The following SFXN4 variants were observed in gnomAD, a reference collection of about 807,000 sequenced individuals.
SFXN4 encodes the protein sideroflexin 4.
A neutral mutation model predicts 54.6 loss-of-function variants in SFXN4; 48 were observed. The ratio of observed to expected loss-of-function variants is 0.88; its 90% CI spans 0.70 to 1.12. The LOEUF (loss-of-function observed/expected upper bound fraction) is 1.12, where lower values mean the gene tolerates loss of function less well. Ranked by LOEUF, SFXN4 falls within the 50% of genes most tolerant of loss-of-function variation. SFXN4 has a pLI of 0.00. For synonymous variants in SFXN4, 130 were observed against 145.5 expected, an observed-to-expected ratio of 0.89 and a Z score of 0.77; for missense variants, 383 against 409.2, an observed-to-expected ratio of 0.94 and a Z score of 0.55.
chr10:119,147,909 G>C (rs369755305), intron 11 of SFXN4, 49 bp from the exon 12 acceptor site: 9 of 1,489,840 alleles, frequency 6.0e-6, no homozygotes, highest in Non-Finnish European at 8.4e-6. Context: ...GGTGGCTCAC[G>C]CCTGTAATCC....
Position 119,155,057 on chromosome 10 carries a change from C to T in SFXN4, c.732+5G>A, listed in dbSNP as rs778787684. On this transcript the variant is annotated splice_donor_5th_base_variant and intron_variant, in intron 11 of 13. Coordinates refer to ENST00000355697, the MANE Select transcript of SFXN4 (RefSeq NM_213649.2). ...AAGCAGCTATAGCTTCATCCTGTCT[C>T]TTACCTTTGTCCCAGCAATTCTGGA... The T allele has an allele frequency of 7.5e-6, 12 of 1,608,122 alleles. No homozygotes were observed. The highest frequency in any genetic ancestry group is 1.0e-5 in the Non-Finnish European group (12 of 1,174,484).
intron 13 of SFXN4, among the ~76,000 whole-genome samples, chr10:119,143,958 G>A (rs895191051): frequency 2.6e-5 from 4 of 151,934 alleles, no homozygotes; most frequent in South Asian, 4.1e-4. Context: ...CCAACCCCTC[G>A]CCCATAGCAT....
rs770540663 is a variant in SFXN4, at chr10:119,141,220, T to G, written c.*22A>C. 1.3e-6 allele frequency: 2 copies of G among 1,573,214 alleles called. No homozygotes were observed. The highest frequency in any genetic ancestry group is 1.7e-6 in the Non-Finnish European group (2 of 1,150,254). ...GGAAGGTTTTCAAGCAGGAACCACA[T>G]AAATTCACCTAAAACTCACGCCTAC... On this transcript the variant is annotated 3_prime_UTR_variant, in exon 14 of 14. Coordinates refer to ENST00000355697, the MANE Select transcript of SFXN4 (RefSeq NM_213649.2).
At chr10:119,149,984 G>A (rs1464937069) in intron 11 of SFXN4, among the ~76,000 whole-genome samples, 2 of 152,130 alleles carry the variant, frequency 1.3e-5, no homozygotes, top group Admixed American at 1.3e-4. Context: ...ACAGCCACGC[G>A]TCACCTGAAA....
intron 13 of SFXN4, among the ~76,000 whole-genome samples, chr10:119,145,507 T>C (rs755788571): frequency 2.6e-5 from 4 of 152,022 alleles, no homozygotes; most frequent in Non-Finnish European, 5.9e-5. Context: ...TTTTGCCACG[T>C]TGGCCAAGCT....
intron 11 of SFXN4, among the ~76,000 whole-genome samples, chr10:119,148,909 C>T (rs1182725983): frequency 6.6e-6 from 1 of 152,070 alleles, no homozygotes; most frequent in Non-Finnish European, 1.5e-5. Context: ...TTTTTAGAGA[C>T]AGGGTCTCAC....
At chr10:119,151,707 G>C (rs1165992752) in intron 11 of SFXN4, among the ~76,000 whole-genome samples, 7 of 151,540 alleles carry the variant, frequency 4.6e-5, no homozygotes, top group Non-Finnish European at 1.0e-4. Flanking sequence ...GTAGAGACAG[G>C]GTTTCACCAT....
At chr10:119,159,822 C>T in intron 5 of SFXN4, 69 bp from the exon 6 acceptor site, 1 of 1,530,500 alleles carries the variant, frequency 6.5e-7, no homozygotes, top group East Asian at 2.3e-5. Context: ...CAGAAGGGGA[C>T]TACCCACCTG....
intron 13 of SFXN4, among the ~76,000 whole-genome samples, chr10:119,145,602 C>A (rs1280999310): frequency 1.3e-5 from 2 of 151,878 alleles, no homozygotes; most frequent in African/African-American, 4.8e-5. Context: ...CCGCGCCTGG[C>A]CTGATTTTCT....
chr10:119,161,120 AT>A, intron 3 of SFXN4, 39 bp from the exon 4 acceptor site: 5 of 1,609,376 alleles, frequency 3.1e-6, no homozygotes, highest in Non-Finnish European at 3.4e-6. Context: ...TTCATTTTAA[AT>A]TTTTTTTAAG....
intron 13 of SFXN4, among the ~76,000 whole-genome samples, chr10:119,144,469 T>A (rs1361068117): frequency 6.6e-6 from 1 of 151,570 alleles, no homozygotes; most frequent in Non-Finnish European, 1.5e-5. Flanking sequence ...AAAAAAAAAA[T>A]TGCTAATATC....
intron 6 of SFXN4, among the ~76,000 whole-genome samples, chr10:119,159,193 T>C (rs1771336012): frequency 6.6e-6 from 1 of 151,524 alleles, no homozygotes; most frequent in Non-Finnish European, 1.5e-5. Context: ...GACAGGAGAA[T>C]TGCTTGAACG....
chr10:119,161,595 A>T (rs1157571567), intron 3 of SFXN4, among the ~76,000 whole-genome samples: 1 of 152,226 alleles, frequency 6.6e-6, no homozygotes, highest in Non-Finnish European at 1.5e-5. Context: ...GGATCATATG[A>T]ATAAACAAAT....
intron 3 of SFXN4, 99 bp downstream of exon 3, chr10:119,162,241 A>G (rs942999003): frequency 1.1e-6 from 1 of 886,510 alleles, no homozygotes; most frequent in African/African-American, 1.7e-5. Flanking sequence ...AAGAAAAGAG[A>G]CGGAGACAGA....
rs145541806 is a variant in SFXN4 at position 119,158,045 on chromosome 10, C to T, written c.378G>A (p.Thr126=). 20 of 1,614,082 alleles carry T rather than the reference C, an allele frequency of 1.2e-5. No homozygotes were observed. Among genetic ancestry groups the T allele is most frequent in the East Asian group, 6.7e-5 (3 of 44,882 alleles). The change falls in exon 7 of 14, where the codon ACG becomes ACA. Residue 126 remains threonine, a synonymous_variant. Transcript: ENST00000355697. ...FMAPTVFLSM[T]PLKGIKSVIL... Reference sequence around the variant, plus strand: ...TCACGGACTTGATCCCTTTCAGTGGCGTCATTGACAAAAATACCTTTTAAG... The same window carrying T: ...TCACGGACTTGATCCCTTTCAGTGGTGTCATTGACAAAAATACCTTTTAAG...
At chr10:119,163,009 G>C (rs1317050244) in intron 2 of SFXN4, among the ~76,000 whole-genome samples, 3 of 152,114 alleles carry the variant, frequency 2.0e-5, no homozygotes, top group Admixed American at 6.6e-5. Flanking sequence ...CATTGCCCAG[G>C]CTGGTCTCAA....
chr10:119,150,630 T>C (rs1262616229), intron 11 of SFXN4, among the ~76,000 whole-genome samples: 2 of 152,026 alleles, frequency 1.3e-5, no homozygotes, highest in African/African-American at 2.4e-5. Flanking sequence ...GTTCGTACCA[T>C]TGCCCTCCAG....
chr10:119,146,335 T>C lies in SFXN4; in HGVS notation c.837A>G (p.Lys279=). The change falls in exon 13 of 14, where the codon AAA becomes AAG. Residue 279 remains lysine, a synonymous_variant. Coordinates refer to ENST00000355697, the MANE Select transcript of SFXN4 (RefSeq NM_213649.2). ...TCAAAATCCACAATGACCCTGGGTT[T>C]TTCCTGAAATACTGGGTCCTGTAAG... ...YFFKRTQYFR[K]NPGSLWILKL... The C allele has an allele frequency of 1.2e-6, 2 of 1,611,504 alleles. No homozygotes were observed. The highest frequency in any genetic ancestry group is 4.5e-5 in the East Asian group (2 of 44,844).
chr10:119,160,063 C>T (rs183526001), intron 5 of SFXN4, among the ~76,000 whole-genome samples: 130 of 152,156 alleles, frequency 8.5e-4, no homozygotes, highest in African/African-American at 3.0e-3. Flanking sequence ...CCTGTAGTCC[C>T]AGCTACTCAG....
Sources: allele counts gnomAD v4.1 joint callset (sites outside exome capture counted in the v4.1 genomes callset), GRCh38; gene constraint gnomAD v4.1.1; transcripts MANE v1.5; gene names NCBI Gene and HGNC (gene_info 2026-07-23, HGNC 2026-07-21).